Variants in ADGRV1 observed in about 807,000 individuals in gnomAD.
ADGRV1 encodes the protein G-protein coupled receptor 98.
ADGRV1 carries 359 observed loss-of-function variants against 596.2 expected under a neutral mutation model. The ratio of observed to expected loss-of-function variants is 0.60; its 90% confidence interval spans 0.55 to 0.66. The LOEUF is 0.66. Ranked by LOEUF, ADGRV1 falls within the 30% of genes least tolerant of loss-of-function variation. The pLI, the probability that ADGRV1 is intolerant of heterozygous loss-of-function variation, is 0.00. For synonymous variants in ADGRV1, 2,681 were observed against 2,679.2 expected (o/e 1.00, Z -0.02); for missense variants, 7,274 against 7,575.6 (o/e 0.96, Z 1.48).
intron 70 of ADGRV1, chr5:90,793,105 A>T (rs756659187): frequency 3.9e-5 from 6 of 152,238 alleles, no homozygotes; most frequent in Non-Finnish European, 8.8e-5. Flanking sequence ...GACCTGTTGT[A>T]GTTCCTTGGG....
rs1326308030 is a variant in ADGRV1, at chr5:90,774,297, G to A, written c.12397G>A (p.Val4133Ile). ...AATTGATGAGGTAGAAATATCTCCA[G>A]TAAAAGGTAAGAGAAATTCACATTT... is the stretch of plus-strand genomic sequence containing the variant. ...ISIDEVEISPVKGSASIIIRG... is the reference protein window; with the variant it reads ...ISIDEVEISPIKGSASIIIRG... The change falls in exon 60 of 90, where the codon GTA (valine) becomes ATA (isoleucine). Residue 4133 changes from valine to isoleucine, a missense_variant. Transcript: ENST00000405460. 4.0e-6 allele frequency: 6 copies of A among 1,513,018 alleles called. No homozygotes were observed. Among genetic ancestry groups the A allele is most frequent in the Non-Finnish European group, 5.5e-6 (6 of 1,088,606 alleles). 93.7% of individuals were successfully genotyped at this position (1,513,018 alleles called of 1,614,324 possible).
chr5:90,864,844 C>G (rs1767939622), intron 83 of ADGRV1, among the ~76,000 whole-genome samples: 1 of 152,050 alleles, frequency 6.6e-6, no homozygotes, highest in Non-Finnish European at 1.5e-5. Context: ...GCAATGCAGA[C>G]AATACTCTAT....
intron 17 of ADGRV1, among the ~76,000 whole-genome samples, chr5:90,648,563 C>T (rs903290262): frequency 1.3e-5 from 2 of 152,148 alleles, no homozygotes; most frequent in Non-Finnish European, 2.9e-5. Context: ...GGAATGCCAA[C>T]GTTGTGTTCC....
At position 90,755,017 on chromosome 5, in the gene ADGRV1, A is replaced by AGATAAAGGACTACTTGGG. The variant is rs752924952; in HGVS notation, c.11417_11434dup (p.Lys3806_Asp3811dup). ...CCACTCTTCAGTTACAAATAGCTCGAGATAAAGGACTACTTGGGGATATTG... is the reference window on the plus strand; with the variant it reads ...CCACTCTTCAGTTACAAATAGCTCGAGATAAAGGACTACTTGGGGATAAAGGACTACTTGGGGATATTG... On this transcript the variant is annotated inframe_insertion, in exon 55 of 90. Transcript: ENST00000405460. 1 of 1,613,358 alleles carries AGATAAAGGACTACTTGGG rather than the reference A, an allele frequency of 6.2e-7. No homozygotes were observed. Among genetic ancestry groups the AGATAAAGGACTACTTGGG allele is most frequent in the Non-Finnish European group, 8.5e-7 (1 of 1,179,334 alleles).
chr5:91,049,029 T>G (rs553835860), intron 85 of ADGRV1, among the ~76,000 whole-genome samples: 2 of 152,068 alleles, frequency 1.3e-5, no homozygotes, highest in East Asian at 3.9e-4. Context: ...ACTTTCATAT[T>G]GCAGCCTATA....
At position 90,921,414 on chromosome 5, in the gene ADGRV1, G is replaced by T. The variant is rs375168683; in HGVS notation, c.17857-44001G>T. Among the ~76,000 whole-genome samples, 15 of 152,126 alleles carry T rather than the reference G, an allele frequency of 9.9e-5. No individual in the cohort carries two copies. In the East Asian group the frequency reaches 2.9e-3, roughly 29 times the overall value. On this transcript the variant is annotated intron_variant, in intron 83 of 89. Coordinates refer to ENST00000405460, the MANE Select transcript of ADGRV1 (RefSeq NM_032119.4). Reference sequence around the variant, plus strand: ...CACAACCTCTCCCTATGTATTCCCTGCCGCATCTGGCTTCTATAAACCTTT... The same window carrying T: ...CACAACCTCTCCCTATGTATTCCCTTCCGCATCTGGCTTCTATAAACCTTT...
chr5:90,916,589 A>C (rs890617528), intron 83 of ADGRV1, among the ~76,000 whole-genome samples: 4 of 150,176 alleles, frequency 2.7e-5, no homozygotes, highest in African/African-American at 9.8e-5. Flanking sequence ...ATTTCACTTA[A>C]TTTTATAGGG....
At chr5:90,819,071 T>C (rs1046284656) in intron 75 of ADGRV1, among the ~76,000 whole-genome samples, 6 of 152,220 alleles carry the variant, frequency 3.9e-5, no homozygotes, top group Non-Finnish European at 5.9e-5. Context: ...GGTAAACTAT[T>C]GATTATTGCT....
At chr5:90,740,849 C>T (rs762994235) in intron 50 of ADGRV1, among the ~76,000 whole-genome samples, 38 of 152,120 alleles carry the variant, frequency 2.5e-4, no homozygotes, top group Non-Finnish European at 5.9e-5. Context: ...TCTTGTGTGC[C>T]GGACTGTGCT....
chr5:90,626,628 A>G (rs6892132), intron 6 of ADGRV1: 56,548 of 152,012 alleles, frequency 0.37, 11,577 homozygotes, highest in Admixed American at 0.55. Context: ...AATGAAAAGC[A>G]AAAATTGCAC....
In ADGRV1 at chr5:90,685,856, T is replaced by C. The variant is rs758150312; in HGVS notation, c.6351T>C (p.Phe2117=). The change falls in exon 29 of 90, where the codon TTT becomes TTC. Residue 2117 remains phenylalanine (F), a synonymous_variant. Transcript: ENST00000405460. ...TTATCATTGCCAATGATGATGCATT[T>C]GGAACTCTTCAGCTCTCAGCACCAA... ...QLIIIANDDA[F]GTLQLSAPIV... is the part of the protein sequence containing the mutation. The C allele has an allele frequency of 6.2e-7, 1 of 1,612,594 alleles. No homozygotes were observed. Among genetic ancestry groups the C allele is most frequent in the Non-Finnish European group, 8.5e-7 (1 of 1,179,016 alleles).
At chr5:90,932,379 T>A (rs1412943522) in intron 83 of ADGRV1, among the ~76,000 whole-genome samples, 3 of 152,234 alleles carry the variant, frequency 2.0e-5, no homozygotes, top group African/African-American at 7.2e-5. Flanking sequence ...TTTACTCATC[T>A]TTTGTGTTTT....
intron 52 of ADGRV1, among the ~76,000 whole-genome samples, chr5:90,748,236 C>T (rs1754841236): frequency 6.6e-6 from 1 of 152,150 alleles, no homozygotes; most frequent in African/African-American, 2.4e-5. Flanking sequence ...TGGTCCATTC[C>T]TGGAGCTAAG....
At chr5:91,133,397 C>T (rs1794375089) in intron 87 of ADGRV1, among the ~76,000 whole-genome samples, 1 of 152,322 alleles carries the variant, frequency 6.6e-6, no homozygotes, top group East Asian at 1.9e-4. Flanking sequence ...TCCAGTAATG[C>T]CACCTCTAGT....
chr5:90,951,382 C>G (rs541501693), intron 83 of ADGRV1, among the ~76,000 whole-genome samples: 3 of 152,234 alleles, frequency 2.0e-5, no homozygotes, highest in Admixed American at 1.3e-4. Flanking sequence ...ATTGTGGATT[C>G]TTGAAAATAG....
At chr5:91,151,886 T>G (rs1796093162) in intron 88 of ADGRV1, among the ~76,000 whole-genome samples, 1 of 152,244 alleles carries the variant, frequency 6.6e-6, no homozygotes, top group South Asian at 2.1e-4. Context: ...GTGAAATTTT[T>G]TAAGGTTCAT....
At chr5:90,561,566 A>G (rs1286702330) in intron 1 of ADGRV1, among the ~76,000 whole-genome samples, 2 of 152,202 alleles carry the variant, frequency 1.3e-5, no homozygotes, top group African/African-American at 4.8e-5. Flanking sequence ...CCTTGAAGAC[A>G]GTGATTGTAT....
chr5:90,856,241 GT>G (rs1008869582), intron 82 of ADGRV1, among the ~76,000 whole-genome samples: 1 of 152,150 alleles, frequency 6.6e-6, no homozygotes, highest in African/African-American at 2.4e-5. Context: ...TGAGGACTAT[GT>G]GAGATATTAA....
At chr5:90,889,315 AAAGTG>A (rs2150574555) in intron 83 of ADGRV1, among the ~76,000 whole-genome samples, 1 of 152,244 alleles carries the variant, frequency 6.6e-6, no homozygotes, top group Admixed American at 6.5e-5. Context: ...CTTTTCATAC[AAAGTG>A]AACCTACTCT....
Sources: allele counts gnomAD v4.1 joint callset (sites outside exome capture counted in the v4.1 genomes callset), GRCh38; gene constraint gnomAD v4.1.1; transcripts MANE v1.5; gene names NCBI Gene and HGNC (gene_info 2026-07-23, HGNC 2026-07-21).